The following PPP1R14C variants were observed in gnomAD, a reference collection of about 807,000 sequenced individuals.
PPP1R14C encodes protein phosphatase 1 regulatory subunit 14C.
A neutral mutation model predicts 20.4 loss-of-function variants in PPP1R14C; 16 were observed. That is an observed-to-expected ratio of 0.78 (90% CI 0.53 to 1.19). PPP1R14C has a LOEUF of 1.19. PPP1R14C is among the 50% of genes most tolerant of loss of function. The pLI is 0.00. For missense variants in PPP1R14C, 211 were observed against 220.1 expected (o/e 0.96, Z 0.26); for synonymous variants, 91 against 91.0 (o/e 1.00, Z 0.00).
Position 150,248,733 on chromosome 6 carries a change from T to C in PPP1R14C, c.424-13T>C. The C allele has an allele frequency of 6.3e-7, 1 of 1,587,596 alleles. No individual in the cohort carries two copies. The highest frequency in any genetic ancestry group is 8.6e-7 in the Non-Finnish European group (1 of 1,157,216). ...TAGTGACCCTCATATTAACTTCTTC[T>C]GATCTCTTTTAGGAATTTATCAAAG... is the stretch of plus-strand genomic sequence containing the variant. On this transcript the variant is annotated splice_polypyrimidine_tract_variant and intron_variant, in intron 3 of 3. Coordinates refer to ENST00000361131, the MANE Select transcript of PPP1R14C (RefSeq NM_030949.3).
chr6:150,164,034 C>T (rs150981884), intron 1 of PPP1R14C, among the ~76,000 whole-genome samples: 84 of 152,292 alleles, frequency 5.5e-4, no homozygotes, highest in Non-Finnish European at 1.0e-3. Flanking sequence ...TCCTTACCTA[C>T]GCTTGTTATT....
rs1777874712 is a variant in PPP1R14C at position 150,201,289 on chromosome 6, G to T, written c.307-13455G>T. Among the ~76,000 whole-genome samples the T allele has an allele frequency of 6.6e-6, 1 of 152,224 alleles. No individual in the cohort carries two copies. The highest frequency in any genetic ancestry group is 2.4e-5 in the African/African-American group (1 of 41,462). ...GAGAAATGTGAATTGGAAGAGTGTGGAAAGTGCAGCGAAAGAGAGGTGCAG... is the reference window on the plus strand; with the variant it reads ...GAGAAATGTGAATTGGAAGAGTGTGTAAAGTGCAGCGAAAGAGAGGTGCAG... On this transcript the variant is annotated intron_variant, in intron 1 of 3. Coordinates refer to ENST00000361131, the MANE Select transcript of PPP1R14C (RefSeq NM_030949.3). This position sits in a 1 kb window ranked among gnomAD's most constrained non-coding sequence, Gnocchi z 4.2.
chr6:150,210,390 CTCCCT>C (rs1778008605), intron 1 of PPP1R14C, among the ~76,000 whole-genome samples: 1 of 152,194 alleles, frequency 6.6e-6, no homozygotes. Flanking sequence ...CTGTTTATTC[CTCCCT>C]ATTATCACTA....
intron 3 of PPP1R14C, among the ~76,000 whole-genome samples, chr6:150,236,336 G>C (rs1432760693): frequency 6.6e-6 from 1 of 152,200 alleles, no homozygotes; most frequent in Non-Finnish European, 1.5e-5. Flanking sequence ...ACGGTACTGT[G>C]CCAAGCAAAC....
At chr6:150,180,660 G>C (rs1043639468) in intron 1 of PPP1R14C, among the ~76,000 whole-genome samples, 5 of 152,154 alleles carry the variant, frequency 3.3e-5, no homozygotes, top group Non-Finnish European at 5.9e-5. Context: ...CATGTGTCTT[G>C]AGGTCCTTCC....
chr6:150,177,712 A>G (rs1325648112), intron 1 of PPP1R14C, among the ~76,000 whole-genome samples: 1 of 151,986 alleles, frequency 6.6e-6, no homozygotes, highest in Non-Finnish European at 1.5e-5. Flanking sequence ...CTTCTCGGAG[A>G]CCAGTTGGAT....
chr6:150,191,397 A>G (rs12215988), intron 1 of PPP1R14C, among the ~76,000 whole-genome samples: 84,481 of 152,150 alleles, frequency 0.56, 24,072 homozygotes, highest in African/African-American at 0.68. Context: ...CAGACATTCA[A>G]TAAGTATCTG....
chr6:150,196,259 T>A, intron 1 of PPP1R14C: 1 of 356,586 alleles, frequency 2.8e-6, no homozygotes, highest in Non-Finnish European at 3.9e-6. Flanking sequence ...CTGCTTGCCT[T>A]TATAGCATCT....
intron 1 of PPP1R14C, among the ~76,000 whole-genome samples, chr6:150,144,202 G>A (rs1582891027): frequency 6.6e-6 from 1 of 152,200 alleles, no homozygotes; most frequent in Admixed American, 6.5e-5. Flanking sequence ...CAACCTCGAC[G>A]GGTGCCTCGG....
At chr6:150,149,443 A>ATTTTTTTTTTTTTTTTTTTTT (rs1216146263) in intron 1 of PPP1R14C, among the ~76,000 whole-genome samples, 4 of 119,940 alleles carry the variant, frequency 3.3e-5, no homozygotes, top group African/African-American at 6.6e-5. Flanking sequence ...CTCCCACCTA[A>ATTTTTTTTTTTTTTTTTTTTT]TTTTTTTTTT....
intron 1 of PPP1R14C, among the ~76,000 whole-genome samples, chr6:150,184,872 G>T (rs1274400725): frequency 6.6e-6 from 1 of 152,202 alleles, no homozygotes; most frequent in African/African-American, 2.4e-5. Context: ...ACCAAAGCTG[G>T]ACACACATGG....
chr6:150,227,142 G>T (rs768094282), intron 3 of PPP1R14C, among the ~76,000 whole-genome samples: 5 of 152,154 alleles, frequency 3.3e-5, no homozygotes, highest in Non-Finnish European at 5.9e-5. Flanking sequence ...CATTCCTTCT[G>T]CATTGAGCTG....
At chr6:150,190,994 A>T (rs1582910638) in intron 1 of PPP1R14C, among the ~76,000 whole-genome samples, 1 of 151,456 alleles carries the variant, frequency 6.6e-6, no homozygotes, top group Admixed American at 6.6e-5. Context: ...TGACTCCCCC[A>T]CCCTACCCAC....
chr6:150,159,421 C>T (rs747309155), intron 1 of PPP1R14C, among the ~76,000 whole-genome samples: 18 of 152,120 alleles, frequency 1.2e-4, no homozygotes, highest in Non-Finnish European at 2.4e-4. Context: ...GGCTCATGAC[C>T]TCCATGTTGC....
intron 3 of PPP1R14C, among the ~76,000 whole-genome samples, chr6:150,220,538 T>C (rs577343667): frequency 1.3e-5 from 2 of 152,178 alleles, no homozygotes; most frequent in African/African-American, 4.8e-5. Context: ...TGAATGAACA[T>C]GTAATATGGG....
chr6:150,214,268 C>T (rs1778062890), intron 1 of PPP1R14C, among the ~76,000 whole-genome samples: 1 of 152,178 alleles, frequency 6.6e-6, no homozygotes, highest in Non-Finnish European at 1.5e-5. Context: ...GGGGTAATCA[C>T]CCAGCAAAGG....
chr6:150,244,687 C>A (rs1008791196), intron 3 of PPP1R14C, among the ~76,000 whole-genome samples: 1 of 152,098 alleles, frequency 6.6e-6, no homozygotes, highest in Non-Finnish European at 1.5e-5. Context: ...TATTTAATTT[C>A]AATTTAAATA....
At chr6:150,144,018 C>T (rs950409627) in intron 1 of PPP1R14C, among the ~76,000 whole-genome samples, 10 of 152,216 alleles carry the variant, frequency 6.6e-5, no homozygotes, top group African/African-American at 2.4e-4. Flanking sequence ...TCTTGAAATT[C>T]CCCGTGAAAA....
At chr6:150,217,083 G>A (rs1582923303) in intron 3 of PPP1R14C, among the ~76,000 whole-genome samples, 1 of 152,156 alleles carries the variant, frequency 6.6e-6, no homozygotes, top group Middle Eastern at 3.4e-3. Context: ...TGTGTTGCTT[G>A]TGTTAGATAA....
Sources: gnomAD v4.1 joint callset for allele counts (sites outside exome capture counted in the v4.1 genomes callset) on GRCh38, gnomAD v4.1.1 for gene constraint, Gnocchi (gnomAD v3.1) non-coding constraint, MANE v1.5 for transcripts, NCBI Gene and HGNC (gene_info 2026-07-23, HGNC 2026-07-21) for gene names.